The following FNBP1 variants were observed in gnomAD, a reference collection of about 807,000 sequenced individuals.
The protein encoded by FNBP1 is formin binding protein 1.
In FNBP1, 26 loss-of-function variants were observed where a neutral mutation model predicts 90.6. That is an observed-to-expected ratio of 0.29 (90% CI 0.21 to 0.40). The LOEUF (loss-of-function observed/expected upper bound fraction) is 0.40, where lower values mean the gene tolerates loss of function less well. Ranked by LOEUF, FNBP1 falls within the 10% of genes least tolerant of loss-of-function variation. The pLI is 1.00. For synonymous variants in FNBP1, 260 were observed against 265.2 expected, an observed-to-expected ratio of 0.98 and a Z score of 0.19; for missense variants, 635 against 768.0, an observed-to-expected ratio of 0.83 and a Z score of 2.05.
At position 129,889,089 on chromosome 9, in the gene FNBP1, G is replaced by A. The variant is rs969779702; in HGVS notation, c.*1450C>T. The A allele has an allele frequency of 2.3e-5, 5 of 216,074 alleles. No homozygotes were observed. The highest frequency in any genetic ancestry group is 3.8e-4 in the South Asian group (2 of 5,216). 13.4% of individuals were successfully genotyped at this position (216,074 alleles called of 1,614,324 possible). A position where few individuals can be genotyped will look rare whatever the true frequency, so the allele number is the denominator to read the frequency against. ...TCTGCTCTAAGGCGTGGCGGGGGGG[G>A]GGGGTGGTGGCCACAGATTAGGGGA... is the stretch of plus-strand genomic sequence containing the variant. On this transcript the variant is annotated 3_prime_UTR_variant, in exon 17 of 17. Coordinates refer to ENST00000446176, the MANE Select transcript of FNBP1 (RefSeq NM_015033.3).
At chr9:129,945,400 A>G (rs1297862132) in intron 6 of FNBP1, among the ~76,000 whole-genome samples, 1 of 152,216 alleles carries the variant, frequency 6.6e-6, no homozygotes, top group Non-Finnish European at 1.5e-5. Context: ...ATGTTCTCTA[A>G]ATTGTTATAG....
intron 1 of FNBP1, among the ~76,000 whole-genome samples, chr9:129,995,428 T>C (rs2053834975): frequency 6.6e-6 from 1 of 152,176 alleles, no homozygotes; most frequent in Non-Finnish European, 1.5e-5. Context: ...ACATGGATTT[T>C]ATTCTTCCAA....
chr9:129,945,317 C>T (rs1381729610), intron 6 of FNBP1, among the ~76,000 whole-genome samples: 1 of 152,032 alleles, frequency 6.6e-6, no homozygotes, highest in Non-Finnish European at 1.5e-5. Flanking sequence ...CTTTTTTAAG[C>T]CTAAAAAGAT....
At position 129,938,191 on chromosome 9, in the gene FNBP1, T is replaced by TA. The variant is rs1283905163; in HGVS notation, c.514-8497dup. Among the ~76,000 whole-genome samples the TA allele has an allele frequency of 1.8e-4, 27 of 152,102 alleles. No individual in the cohort carries two copies. In the Middle Eastern group the frequency reaches 0.01, roughly 57 times the overall value. ...AAAATAAATAAATTAATTAATTTTTTAAAAAAAGCTCTGAAAAGCTAATGG... is the reference window on the plus strand; with the variant it reads ...AAAATAAATAAATTAATTAATTTTTTAAAAAAAAGCTCTGAAAAGCTAATGG... On this transcript the variant is annotated intron_variant, in intron 6 of 16. Coordinates refer to ENST00000446176, the MANE Select transcript of FNBP1 (RefSeq NM_015033.3).
At chr9:130,001,694 C>T (rs1303720490) in intron 1 of FNBP1, among the ~76,000 whole-genome samples, 1 of 151,894 alleles carries the variant, frequency 6.6e-6, no homozygotes, top group Non-Finnish European at 1.5e-5. Context: ...CCAGCCTGGC[C>T]AACATGGTGA....
chr9:130,036,590 T>A (rs2059333563), intron 1 of FNBP1, among the ~76,000 whole-genome samples: 1 of 152,290 alleles, frequency 6.6e-6, no homozygotes, highest in Middle Eastern at 3.4e-3. Flanking sequence ...AAAAGACATG[T>A]GCAAAATTTG....
chr9:129,982,458 G>A lies in FNBP1; in HGVS notation c.141-3084C>T, dbSNP rs1055271521. On this transcript the variant is annotated intron_variant, in intron 2 of 16. Coordinates refer to ENST00000446176, the MANE Select transcript of FNBP1 (RefSeq NM_015033.3). ...TGCACTCCAGCCTGGGCAACAGAGC[G>A]AGACTCCATCTCAAAAAAAGAAAAA... Among the ~76,000 whole-genome samples the A allele has an allele frequency of 1.1e-4, 16 of 152,024 alleles. No individual in the cohort carries two copies. The East Asian group carries it at 1.9e-3, about 18-fold the overall frequency.
At chr9:130,018,600 G>A (rs1330301596) in intron 1 of FNBP1, among the ~76,000 whole-genome samples, 1 of 151,924 alleles carries the variant, frequency 6.6e-6, no homozygotes, top group Admixed American at 6.6e-5. Context: ...GTCTCACTCT[G>A]TCACCCAGGC....
At chr9:130,017,338 A>G (rs1010790980) in intron 1 of FNBP1, among the ~76,000 whole-genome samples, 9 of 152,200 alleles carry the variant, frequency 5.9e-5, no homozygotes, top group African/African-American at 1.7e-4. Context: ...GTTCTACTTA[A>G]TAACTGAACA....
At chr9:130,003,447 T>C (rs1181024911) in intron 1 of FNBP1, among the ~76,000 whole-genome samples, 2 of 151,148 alleles carry the variant, frequency 1.3e-5, no homozygotes, top group East Asian at 1.9e-4. Context: ...CTATTAAAAC[T>C]ACAAAAAAAA....
At chr9:129,995,476 C>A (rs182353856) in intron 1 of FNBP1, among the ~76,000 whole-genome samples, 133 of 152,268 alleles carry the variant, frequency 8.7e-4, no homozygotes, top group Non-Finnish European at 1.6e-3. Flanking sequence ...AGGAACAGTG[C>A]CTGGAGCTGG....
At chr9:130,046,453 G>A (rs1271561343), upstream of FNBP1, among the ~76,000 whole-genome samples, 1 of 151,970 alleles carries the variant, frequency 6.6e-6, no homozygotes, top group East Asian at 1.9e-4. Flanking sequence ...TAGAGAGTTG[G>A]CCGGACGTGG....
At chr9:130,002,509 A>G (rs1436466249) in intron 1 of FNBP1, among the ~76,000 whole-genome samples, 3 of 151,106 alleles carry the variant, frequency 2.0e-5, no homozygotes, top group African/African-American at 7.3e-5. Flanking sequence ...AGAGCCCAGC[A>G]CCTCCCCCCT....
At chr9:129,977,939 T>C (rs778205979) in intron 4 of FNBP1, among the ~76,000 whole-genome samples, 6 of 152,144 alleles carry the variant, frequency 3.9e-5, no homozygotes, top group Non-Finnish European at 7.4e-5. Flanking sequence ...CACAGATGAG[T>C]TTCAGAGTGT....
intron 4 of FNBP1, 149 bp from the exon 5 acceptor site, chr9:129,958,702 C>T (rs78526807): frequency 0.083 from 51,578 of 623,100 alleles, 2,439 homozygotes; most frequent in Admixed American, 0.13. Context: ...AAGGGGTAGC[C>T]GGGTGCGGTG....
At chr9:129,921,963 T>C (rs950177653) in intron 10 of FNBP1, among the ~76,000 whole-genome samples, 1 of 152,088 alleles carries the variant, frequency 6.6e-6, no homozygotes, top group African/African-American at 2.4e-5. Flanking sequence ...CAACCGTCAG[T>C]TGACTGGAGA....
chr9:130,015,250 T>C (rs1341028064), intron 1 of FNBP1, among the ~76,000 whole-genome samples: 1 of 152,196 alleles, frequency 6.6e-6, no homozygotes, highest in Non-Finnish European at 1.5e-5. Context: ...ACAACTTCTC[T>C]ATTCTCATGG....
chr9:130,017,996 C>T (rs2057429649), intron 1 of FNBP1, among the ~76,000 whole-genome samples: 1 of 144,884 alleles, frequency 6.9e-6, no homozygotes, highest in African/African-American at 2.5e-5. Flanking sequence ...TCACTGCAAG[C>T]TCTGCCTCCT....
chr9:129,893,976 G>C (rs1196436166), intron 16 of FNBP1, among the ~76,000 whole-genome samples: 2 of 151,728 alleles, frequency 1.3e-5, no homozygotes, highest in African/African-American at 4.9e-5. Context: ...AGGTTAACTG[G>C]CTGTGAGAAT....
Sources: gnomAD v4.1 joint callset for allele counts (sites outside exome capture counted in the v4.1 genomes callset) on GRCh38, gnomAD v4.1.1 for gene constraint, MANE v1.5 for transcripts, NCBI Gene and HGNC (gene_info 2026-07-23, HGNC 2026-07-21) for gene names.